Variants in EPHB1 observed in about 807,000 individuals in gnomAD.
EPHB1 encodes the protein ephrin type-B receptor 1.
In EPHB1, 30 loss-of-function variants were observed where a neutral mutation model predicts 94.4. That is an observed-to-expected ratio of 0.32 (90% CI 0.24 to 0.43). The LOEUF (loss-of-function observed/expected upper bound fraction) is 0.43, where lower values mean the gene tolerates loss of function less well. EPHB1 is among the 20% of genes least tolerant of loss of function. The pLI is 1.00. For missense variants in EPHB1, 1,055 were observed against 1,308.3 expected (o/e 0.81, Z 2.99); for synonymous variants, 522 against 489.1 (o/e 1.07, Z -0.89).
At chr3:135,225,925 A>G (rs1361872149) in intron 12 of EPHB1, among the ~76,000 whole-genome samples, 1 of 152,204 alleles carries the variant, frequency 6.6e-6, no homozygotes, top group Non-Finnish European at 1.5e-5. Flanking sequence ...GAGCAACTCC[A>G]AGGGCTGGTT....
intron 1 of EPHB1, among the ~76,000 whole-genome samples, chr3:134,814,476 G>C (rs1343297447): frequency 6.6e-6 from 1 of 152,204 alleles, no homozygotes; most frequent in Non-Finnish European, 1.5e-5. Flanking sequence ...TCAGGGGACA[G>C]TTAGTTTAGA....
At chr3:134,847,804 G>A (rs748760454) in intron 1 of EPHB1, among the ~76,000 whole-genome samples, 22 of 152,188 alleles carry the variant, frequency 1.4e-4, no homozygotes, top group Non-Finnish European at 2.4e-4. Context: ...TAAGTGTTGT[G>A]TTTTTAAAAA....
Position 135,021,785 on chromosome 3 carries a change from T to G in EPHB1, c.805+69733T>G, listed in dbSNP as rs1935995389. On this transcript the variant is annotated intron_variant, in intron 3 of 15. Transcript: ENST00000398015. ...TTTCATCAATAAGAATTGTGTAGGTTTAAAGTAGAATGCTAGGAAGAAAAT... is the reference window on the plus strand; with the variant it reads ...TTTCATCAATAAGAATTGTGTAGGTGTAAAGTAGAATGCTAGGAAGAAAAT... Among the ~76,000 whole-genome samples, 5 of 152,158 alleles carry G rather than the reference T, an allele frequency of 3.3e-5. 1 individual carries two copies. In the South Asian group the frequency reaches 1.0e-3, roughly 32 times the overall value.
chr3:134,859,106 G>A (rs1037667011), intron 1 of EPHB1, among the ~76,000 whole-genome samples: 1 of 152,186 alleles, frequency 6.6e-6, no homozygotes, highest in East Asian at 1.9e-4. Flanking sequence ...CTTCTGAGAG[G>A]TGGAAAAACA....
At chr3:135,159,013 G>GT (rs759863137) in intron 6 of EPHB1, among the ~76,000 whole-genome samples, 2 of 152,146 alleles carry the variant, frequency 1.3e-5, no homozygotes, top group African/African-American at 2.4e-5. Flanking sequence ...GAAGTTTACT[G>GT]TTTATTTATT....
chr3:135,171,669 A>G (rs1576443693), intron 9 of EPHB1, among the ~76,000 whole-genome samples: 1 of 152,248 alleles, frequency 6.6e-6, no homozygotes, highest in Admixed American at 6.5e-5. Context: ...TTTGTGTGAA[A>G]AAAATGAGTT....
intron 9 of EPHB1, among the ~76,000 whole-genome samples, chr3:135,174,022 G>C (rs1343090155): frequency 6.6e-6 from 1 of 152,120 alleles, no homozygotes; most frequent in African/African-American, 2.4e-5. Context: ...TGCTGTTCTT[G>C]TTGCAGTACT....
intron 1 of EPHB1, among the ~76,000 whole-genome samples, chr3:134,852,804 G>T (rs1450668427): frequency 6.6e-6 from 1 of 152,218 alleles, no homozygotes; most frequent in Non-Finnish European, 1.5e-5. Context: ...ACTGTCATGG[G>T]ATAAGGGACA....
intron 5 of EPHB1, among the ~76,000 whole-genome samples, chr3:135,146,536 C>T (rs150459100): frequency 2.0e-5 from 3 of 152,274 alleles, no homozygotes; most frequent in African/African-American, 4.8e-5. Context: ...CAGAGTCACT[C>T]GGTCTCCTTA....
intron 9 of EPHB1, among the ~76,000 whole-genome samples, chr3:135,177,919 C>T (rs1942029859): frequency 6.6e-6 from 1 of 152,196 alleles, no homozygotes. Context: ...AAGTCTCTTC[C>T]TACACACGCA....
At chr3:135,016,741 T>G (rs532362713) in intron 3 of EPHB1, among the ~76,000 whole-genome samples, 7 of 152,248 alleles carry the variant, frequency 4.6e-5, no homozygotes, top group Non-Finnish European at 8.8e-5. Context: ...TCCTCTTGCC[T>G]GGGAAAATTA....
intron 1 of EPHB1, among the ~76,000 whole-genome samples, chr3:134,832,637 C>T (rs1054663691): frequency 1.3e-5 from 2 of 152,160 alleles, no homozygotes; most frequent in Admixed American, 1.3e-4. Context: ...CCATCATTGT[C>T]AATGGAAAAC....
At chr3:135,135,646 C>T (rs1280448386) in intron 5 of EPHB1, among the ~76,000 whole-genome samples, 2 of 152,210 alleles carry the variant, frequency 1.3e-5, no homozygotes, top group African/African-American at 2.4e-5. Flanking sequence ...TCAGATCTAG[C>T]TCAGTCTTCC....
At chr3:134,936,504 G>A (rs532610088) in intron 2 of EPHB1, among the ~76,000 whole-genome samples, 7 of 152,312 alleles carry the variant, frequency 4.6e-5, no homozygotes, top group Admixed American at 1.3e-4. Flanking sequence ...GGCAGGGAGA[G>A]CTGTGAGGGT....
chr3:135,243,101 A>G (rs992754809), intron 13 of EPHB1, among the ~76,000 whole-genome samples: 1 of 147,400 alleles, frequency 6.8e-6, no homozygotes, highest in Non-Finnish European at 1.5e-5. Context: ...AAAAGAAAAG[A>G]AAAGAAAAGA....
chr3:135,183,026 T>TTTC lies in EPHB1; in HGVS notation c.1882+3046_1882+3047insCTT, dbSNP rs1491563158. Among the ~76,000 whole-genome samples the TTTC allele has an allele frequency of 6.4e-3, 608 of 94,600 alleles. 5 individuals carry two copies. The highest frequency in any genetic ancestry group is 9.3e-3 in the African/African-American group (198 of 21,314). The allele number at this position is 94,600 out of a possible 152,430, so 62.1% of individuals were successfully genotyped here. ...TTTTCTTTTCTTTTCTTTTCTTTTC[T>TTTC]TTTCTTTCTTTCTTTCTTTCTTTCT... On this transcript the variant is annotated intron_variant, in intron 10 of 15. Coordinates refer to ENST00000398015, the MANE Select transcript of EPHB1 (RefSeq NM_004441.5).
intron 1 of EPHB1, among the ~76,000 whole-genome samples, chr3:134,893,887 TCA>T (rs1297896143): frequency 6.6e-6 from 1 of 152,174 alleles, no homozygotes; most frequent in African/African-American, 2.4e-5. Context: ...GCAGAGTGCC[TCA>T]CAGAGCAGGT....
intron 11 of EPHB1, among the ~76,000 whole-genome samples, chr3:135,198,735 A>T (rs1021755890): frequency 1.3e-5 from 2 of 152,200 alleles, no homozygotes; most frequent in Non-Finnish European, 2.9e-5. Flanking sequence ...GATCATTGCT[A>T]CCGTCTTAGG....
intron 3 of EPHB1, among the ~76,000 whole-genome samples, chr3:134,966,544 G>A (rs898775276): frequency 6.6e-6 from 1 of 152,196 alleles, no homozygotes; most frequent in Non-Finnish European, 1.5e-5. Context: ...GGACATTTAA[G>A]TGTATCCTTT....
Sources: gnomAD v4.1 joint callset for allele counts (sites outside exome capture counted in the v4.1 genomes callset) on GRCh38, gnomAD v4.1.1 for gene constraint, MANE v1.5 for transcripts, NCBI Gene and HGNC (gene_info 2026-07-23, HGNC 2026-07-21) for gene names.